SUMF1: variants seen among roughly 807,000 people sequenced by gnomAD.
SUMF1 encodes sulfatase modifying factor 1.
Under a neutral mutation model 47.6 loss-of-function variants are expected in SUMF1, and 48 were observed. The observed-to-expected ratio is 1.01, with a 90% CI of 0.80 to 1.28. The LOEUF (loss-of-function observed/expected upper bound fraction) is 1.28. Among genes scored for constraint, SUMF1 ranks in the 50% most tolerant of loss-of-function variants. The probability of loss-of-function intolerance (pLI) is 0.00; values close to 1 mark genes in which losing one functional copy is unlikely to be tolerated. For missense variants in SUMF1, 571 were observed against 485.4 expected, an observed-to-expected ratio of 1.18 and a Z score of -1.66; for synonymous variants, 230 against 192.1, an observed-to-expected ratio of 1.20 and a Z score of -1.63.
chr3:4,049,661 A>T (rs1345016112), intron 9 of SUMF1, among the ~76,000 whole-genome samples: 1 of 152,134 alleles, frequency 6.6e-6, no homozygotes, highest in Admixed American at 6.6e-5. Flanking sequence ...TGCAACTCCC[A>T]AAGCCCAAAT....
chr3:4,451,727 T>C (rs1023535792), intron 2 of SUMF1, among the ~76,000 whole-genome samples: 1 of 152,220 alleles, frequency 6.6e-6, no homozygotes, highest in African/African-American at 2.4e-5. Context: ...CTTGCTCTTC[T>C]TCCTGGAGGG....
intron 8 of SUMF1, among the ~76,000 whole-genome samples, chr3:4,209,831 T>C (rs955504798): frequency 1.3e-5 from 2 of 152,136 alleles, no homozygotes; most frequent in Non-Finnish European, 2.9e-5. Context: ...CGCTAAAGAC[T>C]ACCACAGATT....
intron 8 of SUMF1, among the ~76,000 whole-genome samples, chr3:4,159,277 T>A (rs1255712444): frequency 6.6e-6 from 1 of 150,638 alleles, no homozygotes; most frequent in African/African-American, 2.5e-5. Flanking sequence ...GGTGGTATTT[T>A]TTTTTTTATT....
intron 8 of SUMF1, among the ~76,000 whole-genome samples, chr3:4,207,583 A>C (rs1307662274): frequency 6.6e-6 from 1 of 152,158 alleles, no homozygotes; most frequent in African/African-American, 2.4e-5. Flanking sequence ...TTTGTCCTTT[A>C]TTCTATTAAG....
intron 8 of SUMF1, among the ~76,000 whole-genome samples, chr3:4,212,183 T>C (rs1574982862): frequency 6.6e-6 from 1 of 152,124 alleles, no homozygotes; most frequent in South Asian, 2.1e-4. Flanking sequence ...AGGAGAGCTC[T>C]GGCTGGCATC....
chr3:4,457,670 G>C (rs1002055554), intron 1 of SUMF1, among the ~76,000 whole-genome samples: 1 of 152,116 alleles, frequency 6.6e-6, no homozygotes, highest in Non-Finnish European at 1.5e-5. Context: ...AACGGTATTA[G>C]GAAAACTGAA....
intron 8 of SUMF1, among the ~76,000 whole-genome samples, chr3:4,286,030 G>A (rs1697626291): frequency 6.6e-6 from 1 of 152,086 alleles, no homozygotes; most frequent in Non-Finnish European, 1.5e-5. Context: ...AGCAAAGTAT[G>A]CAGTAAGAAT....
At chr3:4,326,701 AG>A (rs1288429167) in intron 8 of SUMF1, among the ~76,000 whole-genome samples, 1 of 151,806 alleles carries the variant, frequency 6.6e-6, no homozygotes, top group Non-Finnish European at 1.5e-5. Context: ...TTGTATTTTT[AG>A]TAGAGATGTG....
intron 8 of SUMF1, among the ~76,000 whole-genome samples, chr3:4,323,876 C>T (rs711673): frequency 0.53 from 80,429 of 152,012 alleles, 24,997 homozygotes; most frequent in African/African-American, 0.87. Flanking sequence ...ATTAATTAAC[C>T]TGACAGCTCT....
intron 8 of SUMF1, among the ~76,000 whole-genome samples, chr3:4,084,481 T>C (rs1461990524): frequency 6.6e-6 from 1 of 152,106 alleles, no homozygotes; most frequent in Non-Finnish European, 1.5e-5. Context: ...CTTGAGAAAT[T>C]ACATACAACA....
chr3:4,176,251 T>C (rs543418700), intron 8 of SUMF1, among the ~76,000 whole-genome samples: 44 of 151,880 alleles, frequency 2.9e-4, no homozygotes, highest in Admixed American at 6.6e-5. Context: ...TTCACCAAGG[T>C]TGAAATGAAG....
chr3:4,069,780 C>A (rs1271572267), intron 8 of SUMF1, among the ~76,000 whole-genome samples: 1 of 152,060 alleles, frequency 6.6e-6, no homozygotes, highest in Non-Finnish European at 1.5e-5. Flanking sequence ...TCTGGAATAC[C>A]ATTATGAGAT....
At chr3:4,275,939 T>A (rs917739033) in intron 8 of SUMF1, among the ~76,000 whole-genome samples, 6 of 152,176 alleles carry the variant, frequency 3.9e-5, no homozygotes, top group Admixed American at 3.3e-4. Flanking sequence ...CCTGGATCAT[T>A]AAAAAATATT....
intron 8 of SUMF1, among the ~76,000 whole-genome samples, chr3:4,208,701 T>C (rs914989806): frequency 2.0e-5 from 3 of 152,042 alleles, no homozygotes; most frequent in African/African-American, 7.2e-5. Flanking sequence ...TTTAATGGGC[T>C]CATTAGTAGA....
chr3:4,165,746 A>G (rs1443498717), intron 8 of SUMF1, among the ~76,000 whole-genome samples: 1 of 151,820 alleles, frequency 6.6e-6, no homozygotes, highest in Non-Finnish European at 1.5e-5. Flanking sequence ...TCTTTTTCAA[A>G]GTTTGTGGGT....
At chr3:4,296,525 T>G (rs949805036) in intron 8 of SUMF1, among the ~76,000 whole-genome samples, 1 of 152,068 alleles carries the variant, frequency 6.6e-6, no homozygotes, top group African/African-American at 2.4e-5. Context: ...GGAGCAAAGG[T>G]ACATCTTACC....
chr3:4,270,396 GCT>G (rs907930654), intron 8 of SUMF1, among the ~76,000 whole-genome samples: 4 of 150,696 alleles, frequency 2.7e-5, no homozygotes, highest in African/African-American at 4.9e-5. Context: ...TTCTCTCTTT[GCT>G]CTCTCTCTCT....
rs190794922 is a variant in SUMF1 at position 4,236,756 on chromosome 3, T to A, written c.1014+139574A>T. ...CAATGAACCAACATTGATACACCAT[T>A]ATCACCTAAAGTCCATCATTTATAT... On this transcript the variant is annotated intron_variant and NMD_transcript_variant, in intron 8 of 12. Coordinates refer to the SUMF1 transcript ENST00000448413. 3.4e-4 allele frequency among the ~76,000 whole-genome samples: 51 copies of A among 152,226 alleles called. 1 individual carries two copies. Among genetic ancestry groups the A allele is most frequent in the Admixed American group, 2.0e-4 (3 of 15,292 alleles).
chr3:4,460,149 G>C (rs2079771218), intron 1 of SUMF1, among the ~76,000 whole-genome samples: 1 of 152,184 alleles, frequency 6.6e-6, no homozygotes, highest in African/African-American at 2.4e-5. Context: ...GCTGTCATTA[G>C]CGTGAAAGTA....
Sources: gnomAD v4.1 joint callset for allele counts (sites outside exome capture counted in the v4.1 genomes callset) on GRCh38, gnomAD v4.1.1 for gene constraint, MANE v1.5 for transcripts, NCBI Gene and HGNC (gene_info 2026-07-23, HGNC 2026-07-21) for gene names.